Variants in MYO16 observed in about 807,000 individuals in gnomAD.
The protein encoded by MYO16 is unconventional myosin-XVI.
A neutral mutation model predicts 205.3 loss-of-function variants in MYO16; 94 were observed. The observed-to-expected ratio is 0.46, with a 90% CI of 0.39 to 0.54. MYO16 has a LOEUF of 0.54. MYO16 is among the 20% of genes least tolerant of loss of function. The probability of loss-of-function intolerance (pLI) is 0.00; values close to 1 mark genes in which losing one functional copy is unlikely to be tolerated. For synonymous variants in MYO16, 988 were observed against 954.0 expected, an observed-to-expected ratio of 1.04 and a Z score of -0.66; for missense variants, 2,315 against 2,387.5, an observed-to-expected ratio of 0.97 and a Z score of 0.63.
intron 16 of MYO16, among the ~76,000 whole-genome samples, chr13:108,957,358 G>A (rs1174553582): frequency 8.2e-6 from 1 of 122,242 alleles, no homozygotes; most frequent in Non-Finnish European, 1.6e-5. Flanking sequence ...GCTCCAGCCT[G>A]GATGACAAGA....
intron 27 of MYO16, among the ~76,000 whole-genome samples, chr13:109,097,847 A>G (rs1431071796): frequency 1.3e-5 from 2 of 152,210 alleles, no homozygotes; most frequent in African/African-American, 4.8e-5. Flanking sequence ...GCTGATACTG[A>G]TAAATTCATT....
At chr13:109,013,913 GGTTATCT>G (rs1400941313) in intron 22 of MYO16, among the ~76,000 whole-genome samples, 2 of 152,132 alleles carry the variant, frequency 1.3e-5, no homozygotes, top group African/African-American at 4.8e-5. Context: ...CCATTCTCTA[GGTTATCT>G]GTTCACTCTG....
intron 23 of MYO16, among the ~76,000 whole-genome samples, chr13:109,041,089 C>T (rs542537734): frequency 3.3e-5 from 5 of 152,170 alleles, no homozygotes; most frequent in East Asian, 1.9e-4. Flanking sequence ...TTGAAGTGAA[C>T]CATACAATTA....
intron 16 of MYO16, among the ~76,000 whole-genome samples, chr13:108,911,326 G>A (rs1881256244): frequency 6.6e-6 from 1 of 152,154 alleles, no homozygotes; most frequent in African/African-American, 2.4e-5. Flanking sequence ...GAGGTGATAT[G>A]ATGAAAAATA....
At chr13:109,069,296 A>G (rs1162776146) in intron 27 of MYO16, among the ~76,000 whole-genome samples, 1 of 152,212 alleles carries the variant, frequency 6.6e-6, no homozygotes. Context: ...TTAAATGTCC[A>G]AAATTTTGTA....
intron 4 of MYO16, among the ~76,000 whole-genome samples, chr13:108,746,511 G>A (rs1481635729): frequency 6.6e-6 from 1 of 151,506 alleles, no homozygotes; most frequent in African/African-American, 2.4e-5. Context: ...TATCAAAATG[G>A]CTAGAAGATA....
rs573804350 is a variant in MYO16 at position 108,887,328 on chromosome 13, A to G, written c.1554-1044A>G. On this transcript the variant is annotated intron_variant, in intron 13 of 34. Coordinates refer to ENST00000457511, the MANE Select transcript of MYO16 (RefSeq NM_001198950.3). Reference sequence around the variant, plus strand: ...TCAACTTACTTCTTTTCTGGCAAACACTGTTAATTAACTTTGTTAAAATAG... The same window carrying G: ...TCAACTTACTTCTTTTCTGGCAAACGCTGTTAATTAACTTTGTTAAAATAG... Among the ~76,000 whole-genome samples the G allele has an allele frequency of 2.0e-5, 3 of 152,340 alleles. No homozygotes were observed. The South Asian group carries it at 6.2e-4, about 32-fold the overall frequency.
chr13:108,708,043 T>C (rs1253375184), intron 2 of MYO16, among the ~76,000 whole-genome samples: 1 of 152,150 alleles, frequency 6.6e-6, no homozygotes, highest in Non-Finnish European at 1.5e-5. Flanking sequence ...TGTGTATTAT[T>C]ACAATTTCAC....
chr13:108,744,893 C>T (rs1430399407), intron 4 of MYO16, among the ~76,000 whole-genome samples: 1 of 152,134 alleles, frequency 6.6e-6, no homozygotes, highest in Non-Finnish European at 1.5e-5. Context: ...CTACTTAAAC[C>T]TTACCATCAC....
At chr13:109,011,901 A>G (rs773629037) in intron 22 of MYO16, among the ~76,000 whole-genome samples, 8 of 152,172 alleles carry the variant, frequency 5.3e-5, no homozygotes, top group Admixed American at 1.3e-4. Context: ...TATTAGCCAA[A>G]TAAATAACAT....
intron 34 of MYO16, among the ~76,000 whole-genome samples, chr13:109,188,664 A>G (rs982301335): frequency 2.0e-5 from 3 of 152,216 alleles, no homozygotes; most frequent in Admixed American, 6.5e-5. Context: ...AGCCAGTCCG[A>G]GTCCCAAAAC....
intron 1 of MYO16, among the ~76,000 whole-genome samples, chr13:108,598,953 C>T (rs1157811084): frequency 6.7e-5 from 10 of 149,362 alleles, no homozygotes; most frequent in Admixed American, 4.0e-4. Flanking sequence ...CCCATTAACT[C>T]GTCATTTAGC....
intron 2 of MYO16, among the ~76,000 whole-genome samples, chr13:108,678,359 T>TCCC (rs1366147496): frequency 6.6e-6 from 1 of 152,106 alleles, no homozygotes; most frequent in Admixed American, 6.5e-5. Context: ...AGAATCATAT[T>TCCC]CACAGAAGGG....
At chr13:108,687,563 A>G (rs764331812) in intron 2 of MYO16, among the ~76,000 whole-genome samples, 2 of 152,228 alleles carry the variant, frequency 1.3e-5, no homozygotes, top group African/African-American at 2.4e-5. Flanking sequence ...TTTCTGGGCT[A>G]TATACATTTT....
At chr13:109,023,678 T>C (rs1243459348) in intron 23 of MYO16, among the ~76,000 whole-genome samples, 5 of 112,558 alleles carry the variant, frequency 4.4e-5, no homozygotes, top group South Asian at 5.1e-4. Flanking sequence ...CAAATATATG[T>C]ATATATACAT....
intron 2 of MYO16, among the ~76,000 whole-genome samples, chr13:108,687,263 C>T (rs190938947): frequency 1.4e-4 from 21 of 152,286 alleles, no homozygotes; most frequent in Admixed American, 3.9e-4. Context: ...AGTGTCTTCT[C>T]GCCAGGGGTT....
At chr13:109,025,845 A>G (rs1279240701) in intron 23 of MYO16, among the ~76,000 whole-genome samples, 2 of 152,240 alleles carry the variant, frequency 1.3e-5, no homozygotes, top group African/African-American at 4.8e-5. Flanking sequence ...AGGAGATAGT[A>G]AAACAACATT....
chr13:109,030,387 A>T (rs1886511931), intron 23 of MYO16, among the ~76,000 whole-genome samples: 1 of 152,132 alleles, frequency 6.6e-6, no homozygotes. Flanking sequence ...TTTTGCTAAA[A>T]TCCAATCTTC....
chr13:109,070,114 A>G (rs961185656), intron 27 of MYO16, among the ~76,000 whole-genome samples: 1 of 152,190 alleles, frequency 6.6e-6, no homozygotes, highest in Non-Finnish European at 1.5e-5. Flanking sequence ...CCAAACCAAG[A>G]CATATTTCAT....
Sources: gnomAD v4.1 joint callset for allele counts (sites outside exome capture counted in the v4.1 genomes callset) on GRCh38, gnomAD v4.1.1 for gene constraint, MANE v1.5 for transcripts, NCBI Gene and HGNC (gene_info 2026-07-23, HGNC 2026-07-21) for gene names.